The following SHANK2 variants were observed in gnomAD, a reference collection of about 807,000 sequenced individuals.
The protein encoded by SHANK2 is SH3 and multiple ankyrin repeat domains 2.
SHANK2 carries 43 observed loss-of-function variants against 133.7 expected under a neutral mutation model. That is an observed-to-expected ratio of 0.32 (90% CI 0.25 to 0.41). SHANK2 has a LOEUF of 0.41. SHANK2 is among the 10% of genes least tolerant of loss of function. The pLI is 1.00. For synonymous variants in SHANK2, 1,017 were observed against 952.8 expected, an observed-to-expected ratio of 1.07 and a Z score of -1.24; for missense variants, 1,994 against 2,235.8, an observed-to-expected ratio of 0.89 and a Z score of 2.18.
rs1491563939 is a variant in SHANK2, at chr11:71,210,210, G to GTGTATATATA, written c.-13+14486_-13+14487insTATATATACA. ...GGTCCTCTTCATTGGAAATCCACAG[G>GTGTATATATA]TATATATATATATATATATATATAT... On this transcript the variant is annotated intron_variant, in intron 2 of 25. Coordinates refer to ENST00000601538, the MANE Select transcript of SHANK2 (RefSeq NM_012309.5). Among the ~76,000 whole-genome samples the GTGTATATATA allele has an allele frequency of 1.4e-3, 73 of 54,056 alleles. 1 individual carries two copies. Among genetic ancestry groups the GTGTATATATA allele is most frequent in the East Asian group, 7.4e-3 (7 of 942 alleles). The allele number at this position is 54,056 out of a possible 152,430, so 35.5% of individuals were successfully genotyped here. A position where few individuals can be genotyped will look rare whatever the true frequency, so the allele number is the denominator to read the frequency against.
rs551925340 is a variant in SHANK2 at position 70,950,207 on chromosome 11, C to T, written c.1108-53640G>A. ...CCGAGTAGCTGGGATTACAGGATTT[C>T]GCTCTATGGCCCAGGCTGGAGTATA... On this transcript the variant is annotated intron_variant, in intron 10 of 25. Coordinates refer to ENST00000601538, the MANE Select transcript of SHANK2 (RefSeq NM_012309.5). 3.9e-4 allele frequency: 177 copies of T among 449,602 alleles called. 1 individual carries two copies. The highest frequency in any genetic ancestry group is 1.2e-3 in the Middle Eastern group (2 of 1,696). The allele number at this position is 449,602 out of a possible 1,614,324, so 27.9% of individuals were successfully genotyped here.
chr11:70,773,219 C>T (rs1947290892), intron 14 of SHANK2, among the ~76,000 whole-genome samples: 1 of 152,226 alleles, frequency 6.6e-6, no homozygotes, highest in South Asian at 2.1e-4. Flanking sequence ...TGATGTCTTG[C>T]TGTGCAAAGT....
At chr11:71,240,123 A>G (rs1024928783) in intron 1 of SHANK2, among the ~76,000 whole-genome samples, 3 of 152,200 alleles carry the variant, frequency 2.0e-5, no homozygotes, top group Non-Finnish European at 4.4e-5. Flanking sequence ...TGGTCTACAA[A>G]GAGCCTGCCA....
At chr11:71,072,305 C>T (rs1056570303) in intron 9 of SHANK2, among the ~76,000 whole-genome samples, 2 of 152,112 alleles carry the variant, frequency 1.3e-5, no homozygotes, top group Non-Finnish European at 2.9e-5. Flanking sequence ...GGACCAACAG[C>T]CCCCCACGCC....
chr11:70,500,427 C>T lies in SHANK2; in HGVS notation c.2308+143G>A. 1 of 1,083,184 alleles carries T rather than the reference C, an allele frequency of 9.2e-7. No homozygotes were observed. The highest frequency in any genetic ancestry group is 1.4e-6 in the Non-Finnish European group (1 of 727,982). The allele number at this position is 1,083,184 out of a possible 1,614,324, so 67.1% of individuals were successfully genotyped here. A position where few individuals can be genotyped will look rare whatever the true frequency, so the allele number is the denominator to read the frequency against. ...GACAGATGAATGTGCTCCAGGGCGGCAGGGCTCCTCGGGCAGGACCCAGCA... is the reference window on the plus strand; with the variant it reads ...GACAGATGAATGTGCTCCAGGGCGGTAGGGCTCCTCGGGCAGGACCCAGCA... On this transcript the variant is annotated intron_variant, in intron 21 of 25. Coordinates refer to ENST00000601538, the MANE Select transcript of SHANK2 (RefSeq NM_012309.5). The surrounding 1 kb of genome is among the most constrained non-coding windows in gnomAD (Gnocchi z 4.5).
At chr11:70,577,749 T>TA (rs2060134690) in intron 17 of SHANK2, among the ~76,000 whole-genome samples, 1 of 148,874 alleles carries the variant, frequency 6.7e-6, no homozygotes, top group South Asian at 2.2e-4. Context: ...TAAACGGAGG[T>TA]AAACTGTGGG....
chr11:70,507,236 G>C (rs1257220204), intron 17 of SHANK2, among the ~76,000 whole-genome samples: 1 of 152,166 alleles, frequency 6.6e-6, no homozygotes, highest in African/African-American at 2.4e-5. Context: ...TGTGGCTCTT[G>C]CCAGCCACCA....
intron 1 of SHANK2, among the ~76,000 whole-genome samples, chr11:71,225,088 C>T (rs1431683610): frequency 1.3e-5 from 2 of 152,206 alleles, no homozygotes; most frequent in East Asian, 1.9e-4. Context: ...ACATCCCAGA[C>T]GTGGTGCTGA....
At chr11:71,133,358 C>CTGGCTGGCTGGG (rs2135342220) in intron 3 of SHANK2, among the ~76,000 whole-genome samples, 1 of 73,000 alleles carries the variant, frequency 1.4e-5, no homozygotes, top group East Asian at 3.3e-4. Flanking sequence ...GGCTGGCTGG[C>CTGGCTGGCTGGG]TGGCTGGCTG....
chr11:70,616,233 C>T (rs1554995881), intron 17 of SHANK2, among the ~76,000 whole-genome samples: 1 of 152,140 alleles, frequency 6.6e-6, no homozygotes, highest in Admixed American at 6.5e-5. Context: ...GCTCCTTGCT[C>T]CGATAAGTAG....
chr11:71,185,557 T>C (rs1250305751), intron 2 of SHANK2, among the ~76,000 whole-genome samples: 1 of 152,192 alleles, frequency 6.6e-6, no homozygotes, highest in Non-Finnish European at 1.5e-5. Context: ...CAGGCTGGTC[T>C]GGTTGGTGCA....
At chr11:70,879,606 C>T (rs1164573229) in intron 11 of SHANK2, among the ~76,000 whole-genome samples, 1 of 152,222 alleles carries the variant, frequency 6.6e-6, no homozygotes, top group African/African-American at 2.4e-5. Flanking sequence ...TACCCAGGTG[C>T]TTTTGCATAT....
intron 10 of SHANK2, among the ~76,000 whole-genome samples, chr11:70,899,594 G>A (rs1949994909): frequency 6.6e-6 from 1 of 152,178 alleles, no homozygotes. Context: ...CAGAAGCTGA[G>A]GTGCCGTCCT....
Position 71,139,254 on chromosome 11 carries a change from C to T in SHANK2, c.207+7866G>A, listed in dbSNP as rs562181836. Among the ~76,000 whole-genome samples, 7 of 151,474 alleles carry T rather than the reference C, an allele frequency of 4.6e-5. No individual in the cohort carries two copies. In the East Asian group the frequency reaches 1.2e-3, roughly 25 times the overall value. On this transcript the variant is annotated intron_variant, in intron 3 of 25. Coordinates refer to ENST00000601538, the MANE Select transcript of SHANK2 (RefSeq NM_012309.5). ...CCTCAGGGAGAGGCGGATGCGGGGCCGACGTAGACACCCCAGCAGAGCCCG... is the reference window on the plus strand; with the variant it reads ...CCTCAGGGAGAGGCGGATGCGGGGCTGACGTAGACACCCCAGCAGAGCCCG...
rs1226736914 is a variant in SHANK2, at chr11:70,804,368, G to A, written c.1663+2634C>T. Among the ~76,000 whole-genome samples, 1 of 152,250 alleles carries A rather than the reference G, an allele frequency of 6.6e-6. No individual in the cohort carries two copies. Among genetic ancestry groups the A allele is most frequent in the East Asian group, 1.9e-4 (1 of 5,188 alleles). On this transcript the variant is annotated intron_variant, in intron 13 of 25. Transcript: ENST00000601538. The surrounding 1 kb of genome is among the most constrained non-coding windows in gnomAD (Gnocchi z 4.1). ...AGGAAGAGCGGTGCCACTGGCAGCAGGAAGGGGCTCCGTGCCAATTGTGTG... is the reference window on the plus strand; with the variant it reads ...AGGAAGAGCGGTGCCACTGGCAGCAAGAAGGGGCTCCGTGCCAATTGTGTG...
chr11:70,910,658 T>G (rs903560588), intron 10 of SHANK2, among the ~76,000 whole-genome samples: 1 of 152,036 alleles, frequency 6.6e-6, no homozygotes, highest in East Asian at 1.9e-4. Context: ...AAATACAAAA[T>G]TAGCCGGGCA....
chr11:70,850,195 A>G, intron 11 of SHANK2, among the ~76,000 whole-genome samples: 1 of 151,946 alleles, frequency 6.6e-6, no homozygotes, highest in East Asian at 1.9e-4. Flanking sequence ...TTCTCCTTCA[A>G]TCTTCACAAC....
intron 17 of SHANK2, among the ~76,000 whole-genome samples, chr11:70,659,131 C>G (rs542880650): frequency 6.6e-6 from 1 of 152,288 alleles, no homozygotes; most frequent in East Asian, 1.9e-4. Context: ...GCCTCCGAAC[C>G]CCTCGCACAC....
At chr11:70,758,162 GA>G (rs1263977620) in intron 14 of SHANK2, among the ~76,000 whole-genome samples, 10 of 152,352 alleles carry the variant, frequency 6.6e-5, no homozygotes, top group African/African-American at 2.4e-4. Flanking sequence ...TCTATTGCCT[GA>G]AAGCACGGGG....
Sources: allele counts gnomAD v4.1 joint callset (sites outside exome capture counted in the v4.1 genomes callset), GRCh38; gene constraint gnomAD v4.1.1; non-coding constraint Gnocchi (gnomAD v3.1); transcripts MANE v1.5; gene names NCBI Gene and HGNC (gene_info 2026-07-23, HGNC 2026-07-21).